Variants in ACACA observed in about 807,000 individuals in gnomAD.
ACACA encodes acetyl-CoA carboxylase alpha, also known as acetyl-CoA carboxylase 1.
ACACA carries 103 observed loss-of-function variants against 296.1 expected under a neutral mutation model. That is an observed-to-expected ratio of 0.35 (90% CI 0.30 to 0.41). The LOEUF (loss-of-function observed/expected upper bound fraction) is 0.41, where lower values mean the gene tolerates loss of function less well. Among genes scored for constraint, ACACA ranks in the 10% least tolerant of loss-of-function variants. The pLI is 1.00. For missense variants in ACACA, 1,554 were observed against 2,989.7 expected (o/e 0.52, Z 11.20); for synonymous variants, 953 against 1,038.6 (o/e 0.92, Z 1.58).
At chr17:37,302,321 C>T (rs948396480) in intron 3 of ACACA, among the ~76,000 whole-genome samples, 8 of 151,820 alleles carry the variant, frequency 5.3e-5, no homozygotes, top group East Asian at 1.9e-4. Context: ...GCGATTCTCC[C>T]GCCTCAGCCT....
Position 37,406,282 on chromosome 17 carries a change from CAG to C in ACACA, c.16_17del (p.Leu6AspfsTer7). ...CATACCTAGCCCTCAAGATTGACAT[CAG>C]AGTAGACCACCACATCCTCTCATCA... MWWST[L>X]MSILRARSFW... On this transcript the variant is annotated frameshift_variant, in exon 1 of 56. Transcript: ENST00000616317. LOFTEE classifies it high-confidence loss of function. 6.2e-7 allele frequency: 1 copy of C among 1,614,198 alleles called. No individual in the cohort carries two copies. The highest frequency in any genetic ancestry group is 8.5e-7 in the Non-Finnish European group (1 of 1,180,024).
Position 37,106,824 on chromosome 17 carries a change from C to T in ACACA, c.6565+4707G>A, listed in dbSNP as rs1248505942. Reference sequence around the variant, plus strand: ...TGGGTTCCCTCTAACTAAATGCCTGCCAGGTCCCTCTGGCCATACAGAATT... The same window carrying T: ...TGGGTTCCCTCTAACTAAATGCCTGTCAGGTCCCTCTGGCCATACAGAATT... On this transcript the variant is annotated intron_variant, in intron 52 of 55. Transcript: ENST00000616317. Among the ~76,000 whole-genome samples the T allele has an allele frequency of 3.3e-5, 5 of 151,484 alleles. No individual in the cohort carries two copies. In the East Asian group the frequency reaches 5.8e-4, roughly 17 times the overall value.
chr17:37,120,065 G>A lies in ACACA; in HGVS notation c.6274+1290C>T, dbSNP rs144143041. On this transcript the variant is annotated intron_variant, in intron 50 of 55. Coordinates refer to ENST00000616317, the MANE Select transcript of ACACA (RefSeq NM_198834.3). ...TGCACCACCCCATCTGGCTAATTTTGTATTTTTTGTAGAGACAGGGTTTCA... is the reference window on the plus strand; with the variant it reads ...TGCACCACCCCATCTGGCTAATTTTATATTTTTTGTAGAGACAGGGTTTCA... 7.2e-3 allele frequency among the ~76,000 whole-genome samples: 1,086 copies of A among 151,280 alleles called. 9 individuals are homozygous for A. The highest frequency in any genetic ancestry group is 0.042 in the Middle Eastern group (12 of 288).
chr17:37,196,551 T>C (rs1214939165), intron 35 of ACACA, among the ~76,000 whole-genome samples: 4 of 151,356 alleles, frequency 2.6e-5, no homozygotes, highest in Non-Finnish European at 5.9e-5. Context: ...TAATGGGGGA[T>C]AAGAAGAAGT....
At chr17:37,353,048 G>A (rs1038837157) in intron 1 of ACACA, among the ~76,000 whole-genome samples, 1 of 152,134 alleles carries the variant, frequency 6.6e-6, no homozygotes, top group Non-Finnish European at 1.5e-5. Context: ...ATATTAAGTG[G>A]AAAACTGGAA....
intron 45 of ACACA, among the ~76,000 whole-genome samples, chr17:37,142,803 A>G (rs1321728890): frequency 1.3e-5 from 2 of 152,212 alleles, no homozygotes; most frequent in Admixed American, 6.5e-5. Context: ...GATTGTTGCT[A>G]GATACATCTA....
chr17:37,235,099 C>A lies in ACACA; in HGVS notation c.3122G>T (p.Gly1041Val). 6.2e-7 allele frequency: 1 copy of A among 1,613,008 alleles called. No homozygotes were observed. Among genetic ancestry groups the A allele is most frequent in the Non-Finnish European group, 8.5e-7 (1 of 1,179,814 alleles). Residue 1041 changes from glycine (G) to valine (V), a missense_variant and splice_region_variant, in exon 25 of 56, where the codon GGT (glycine) becomes GTT (valine). This residue lies in a region of ACACA where 316 missense variants were observed against 540.9 expected (regional missense o/e 0.58). Coordinates refer to ENST00000616317, the MANE Select transcript of ACACA (RefSeq NM_198834.3). ...YLRVETQFQN[G>V]HYDKCVFALR... Reference sequence around the variant, plus strand: ...GGCGAATACACATTTGTCATAGTGACCTGCACACCATGAAAAGAACTGGTT... The same window carrying A: ...GGCGAATACACATTTGTCATAGTGAACTGCACACCATGAAAAGAACTGGTT...
intron 1 of ACACA, among the ~76,000 whole-genome samples, chr17:37,395,123 C>A (rs1193387254): frequency 6.6e-6 from 1 of 151,930 alleles, no homozygotes; most frequent in African/African-American, 2.4e-5. Context: ...TCATATTCTT[C>A]ACACCACTTT....
At chr17:37,376,779 A>G (rs1359905425) in intron 1 of ACACA, among the ~76,000 whole-genome samples, 1 of 152,090 alleles carries the variant, frequency 6.6e-6, no homozygotes, top group African/African-American at 2.4e-5. Context: ...ACATGGCGAA[A>G]CCCCATCTCT....
At chr17:37,183,993 C>G (rs1413131145) in intron 39 of ACACA, among the ~76,000 whole-genome samples, 9 of 151,640 alleles carry the variant, frequency 5.9e-5, no homozygotes, top group Admixed American at 5.9e-4. Context: ...GCTGGGATTA[C>G]AGGCATGCGC....
intron 1 of ACACA, among the ~76,000 whole-genome samples, chr17:37,390,902 T>C (rs1426912672): frequency 1.3e-5 from 2 of 152,052 alleles, no homozygotes; most frequent in Non-Finnish European, 2.9e-5. Context: ...TAGCTGCAAC[T>C]GTGATTGAAC....
chr17:37,153,862 C>CA (rs1035922656), intron 43 of ACACA, among the ~76,000 whole-genome samples: 7 of 151,488 alleles, frequency 4.6e-5, no homozygotes, highest in South Asian at 2.1e-4. Flanking sequence ...AAAAACAAAA[C>CA]AAAAAAAACC....
At chr17:37,265,752 T>C (rs2081737094) in intron 10 of ACACA, among the ~76,000 whole-genome samples, 1 of 152,168 alleles carries the variant, frequency 6.6e-6, no homozygotes, top group African/African-American at 2.4e-5. Context: ...CTAGTTTGGT[T>C]CCCTGGGAGT....
At chr17:37,286,503 C>T (rs2082780275) in intron 3 of ACACA, among the ~76,000 whole-genome samples, 1 of 152,186 alleles carries the variant, frequency 6.6e-6, no homozygotes, top group Non-Finnish European at 1.5e-5. Context: ...GACTCCTTTG[C>T]TAGCTCCTTC....
chr17:37,389,180 G>A lies in ACACA; in HGVS notation c.38+17082C>T, dbSNP rs2147789680. 1.1e-5 allele frequency: 17 copies of A among 1,523,096 alleles called. 1 individual carries two copies. The South Asian group carries it at 1.8e-4, about 17-fold the overall frequency. The allele number at this position is 1,523,096 out of a possible 1,614,324, so 94.3% of individuals were successfully genotyped here. A position where few individuals can be genotyped will look rare whatever the true frequency, so the allele number is the denominator to read the frequency against. ...GCTTCCTTTAAGTTGCCCAACAAGAGGTTTGGAAGAAAACCAAATGCTTAC... is the reference window on the plus strand; with the variant it reads ...GCTTCCTTTAAGTTGCCCAACAAGAAGTTTGGAAGAAAACCAAATGCTTAC... On this transcript the variant is annotated intron_variant, in intron 1 of 55. Transcript: ENST00000616317.
At chr17:37,245,241 G>A in intron 19 of ACACA, 27 bp from the exon 20 acceptor site, 3 of 1,611,108 alleles carry the variant, frequency 1.9e-6, no homozygotes, top group Non-Finnish European at 2.5e-6. Flanking sequence ...ACTAGACTCA[G>A]ATTTATCTCT....
At chr17:37,317,048 T>C (rs2147078650) in intron 3 of ACACA, among the ~76,000 whole-genome samples, 1 of 146,596 alleles carries the variant, frequency 6.8e-6, no homozygotes, top group East Asian at 2.0e-4. Context: ...TACTCCAGCC[T>C]GGGTGACAGA....
At position 37,087,370 on chromosome 17, in the gene ACACA, A is replaced by G; in HGVS notation, c.7098T>C (p.Thr2366=). Residue 2366 remains threonine (T), a synonymous_variant, in exon 56 of 56, where the codon ACT becomes ACC. Transcript: ENST00000616317. ...GGATCCGTATGACTTCTGCTCGCTG[A>G]GTGGGTGATATGTGCTGCGTCATAT... ...IIHMTQHISP[T]QRAEVIRILS... The G allele has an allele frequency of 6.2e-7, 1 of 1,614,080 alleles. No homozygotes were observed. Among genetic ancestry groups the G allele is most frequent in the Non-Finnish European group, 8.5e-7 (1 of 1,180,022 alleles).
Position 37,212,789 on chromosome 17 carries a change from C to G in ACACA, c.3684-2299G>C, listed in dbSNP as rs541476380. ...TATAGGCATGAGCCAGCAAACCTGG[C>G]CACTACAAATTTTTCATCCTATACA... On this transcript the variant is annotated intron_variant, in intron 29 of 55. Coordinates refer to ENST00000616317, the MANE Select transcript of ACACA (RefSeq NM_198834.3). Among the ~76,000 whole-genome samples, 48 of 151,658 alleles carry G rather than the reference C, an allele frequency of 3.2e-4. No homozygotes were observed. In the South Asian group the frequency reaches 6.7e-3, roughly 21 times the overall value.
Sources: gnomAD v4.1 joint callset for allele counts (sites outside exome capture counted in the v4.1 genomes callset) on GRCh38, gnomAD v4.1.1 for gene constraint, gnomAD v4.1.1 regional missense constraint, MANE v1.5 for transcripts, NCBI Gene and HGNC (gene_info 2026-07-23, HGNC 2026-07-21) for gene names.